SHKBP1: variants seen among roughly 807,000 people sequenced by gnomAD.
SHKBP1 encodes the protein SH3KBP1 binding protein 1.
A neutral mutation model predicts 83.9 loss-of-function variants in SHKBP1; 71 were observed. The observed-to-expected ratio is 0.85, with a 90% CI of 0.70 to 1.03. The LOEUF (loss-of-function observed/expected upper bound fraction) is 1.03. SHKBP1 is among the 50% of genes least tolerant of loss of function. SHKBP1 has a pLI of 0.00. For missense variants in SHKBP1, 824 were observed against 982.4 expected (o/e 0.84, Z 2.16); for synonymous variants, 371 against 398.0 (o/e 0.93, Z 0.81).
rs2081277195 is a variant in SHKBP1, at chr19:40,582,418, C to A, written c.912C>A (p.Ser304Arg). 6.2e-7 allele frequency: 1 copy of A among 1,614,054 alleles called. No homozygotes were observed. The highest frequency in any genetic ancestry group is 1.3e-5 in the African/African-American group (1 of 74,922). The change falls in exon 10 of 18, where the codon AGC (serine) becomes AGA (arginine). Residue 304 changes from serine to arginine, a missense_variant. Transcript: ENST00000291842. ...FFVGNQLIAT[S>R]HTGRIGVWNA... is the part of the protein sequence containing the mutation. ...TCGGGAACCAGCTCATTGCTACAAG[C>A]CACACAGGGCGCATCGGGGTGTGGA...
intron 4 of SHKBP1, 167 bp from the exon 5 acceptor site, chr19:40,577,987 A>ACACACG: frequency 1.5e-6 from 1 of 685,954 alleles, no homozygotes; most frequent in Non-Finnish European, 2.7e-6. Flanking sequence ...ACACACACAC[A>ACACACG]CACACTCAAC....
At chr19:40,578,324 G>T in intron 5 of SHKBP1, 112 bp downstream of exon 5, 1 of 1,456,542 alleles carries the variant, frequency 6.9e-7, no homozygotes, top group Non-Finnish European at 9.6e-7. Flanking sequence ...GAGGTGGGAG[G>T]ACTGGTTATG....
intron 9 of SHKBP1, among the ~76,000 whole-genome samples, 186 bp from the exon 10 acceptor site, chr19:40,582,165 G>A (rs562311125): frequency 4.6e-5 from 7 of 151,960 alleles, no homozygotes; most frequent in African/African-American, 9.7e-5. Flanking sequence ...CAAATGATCC[G>A]CCCACCTGAG....
In SHKBP1 at chr19:40,580,892, T is replaced by A. The variant is rs2081264441; in HGVS notation, c.800T>A (p.Ile267Asn). ...KMVAAATGSE[I>N]LLWALQAEGG... is the part of the protein sequence containing the mutation. Reference sequence around the variant, plus strand: ...GTGGCAGCAGCCACCGGCAGCGAGATCCTGCTATGGGCTCTGCAGGCGGAA... The same window carrying A: ...GTGGCAGCAGCCACCGGCAGCGAGAACCTGCTATGGGCTCTGCAGGCGGAA... Residue 267 changes from isoleucine to asparagine, a missense_variant, in exon 9 of 18, where the codon ATC becomes AAC. Ile to Asn is a moderately radical substitution (Grantham distance 149). Around this residue, in one of 3 missense-constraint regions of SHKBP1, gnomAD observed 355 missense variants for 386.4 expected, o/e 0.92. Transcript: ENST00000291842. The A allele has an allele frequency of 6.2e-7, 1 of 1,609,656 alleles. No individual in the cohort carries two copies. The highest frequency in any genetic ancestry group is 8.5e-7 in the Non-Finnish European group (1 of 1,177,816).
chr19:40,583,536 G>A (rs1271655671), intron 11 of SHKBP1, 51 bp downstream of exon 11: 3 of 1,611,370 alleles, frequency 1.9e-6, no homozygotes, highest in Non-Finnish European at 2.5e-6. Context: ...CTGGGAGAGG[G>A]GAAGGGAGGG....
chr19:40,587,744 T>A (rs28488028), intron 13 of SHKBP1, among the ~76,000 whole-genome samples: 2,931 of 152,076 alleles, frequency 0.019, 96 homozygotes, highest in African/African-American at 0.067. Flanking sequence ...CTACAAAAAA[T>A]TTTTAAAAAA....
rs1205467116 is a variant in SHKBP1, at chr19:40,590,530, C to T, written c.1768+108C>T. The T allele has an allele frequency of 1.5e-6, 2 of 1,373,546 alleles. No homozygotes were observed. The highest frequency in any genetic ancestry group is 1.4e-5 in the African/African-American group (1 of 69,030). The allele number at this position is 1,373,546 out of a possible 1,614,324, so 85.1% of individuals were successfully genotyped here. On this transcript the variant is annotated intron_variant, in intron 16 of 17. Transcript: ENST00000291842. The surrounding 1 kb of genome is among the most constrained non-coding windows in gnomAD (Gnocchi z 4.6). ...TCTCCCAGGCCCTTGCCCTCTGACC[C>T]CTTTTCCTTTGACCCCCTCTCTGCT...
In SHKBP1 at chr19:40,588,723, TC is replaced by T. The variant is rs1239691168; in HGVS notation, c.1438del (p.Leu480TrpfsTer99). ...TCCACCCCACTCGCTTCCTTTAAGA[TC>T]CTGGCTCTGGAGTCGGCAGATGGGC... ...PGSTPLASFK[I>X]LALESADGHG... is the part of the protein sequence containing the mutation. On this transcript the variant is annotated frameshift_variant, in exon 14 of 18. Transcript: ENST00000291842. LOFTEE classifies it high-confidence loss of function. The T allele has an allele frequency of 2.5e-6, 4 of 1,614,010 alleles. No homozygotes were observed. The highest frequency in any genetic ancestry group is 3.4e-6 in the Non-Finnish European group (4 of 1,180,032).
At chr19:40,581,226 C>T (rs999607717) in intron 9 of SHKBP1, among the ~76,000 whole-genome samples, 8 of 152,114 alleles carry the variant, frequency 5.3e-5, no homozygotes, top group African/African-American at 1.9e-4. Context: ...AAATGTCTGA[C>T]TTGGCCCGGT....
At position 40,590,601 on chromosome 19, in the gene SHKBP1, T is replaced by G. The variant is rs1167734576; in HGVS notation, c.1769-129T>G. 10 of 1,329,558 alleles carry G rather than the reference T, an allele frequency of 7.5e-6. No individual in the cohort carries two copies. The highest frequency in any genetic ancestry group is 1.0e-5 in the Non-Finnish European group (10 of 971,494). 82.4% of individuals were successfully genotyped at this position (1,329,558 alleles called of 1,614,324 possible). On this transcript the variant is annotated intron_variant, in intron 16 of 17. Coordinates refer to ENST00000291842, the MANE Select transcript of SHKBP1 (RefSeq NM_138392.4). This position sits in a 1 kb window ranked among gnomAD's most constrained non-coding sequence, Gnocchi z 4.6. ...GTTTTTCAACCCCTGTCTCAGCCTC[T>G]GGCCCCCATGCATTGATCTCTGCTT...
In SHKBP1 at chr19:40,590,073, C is replaced by T. The variant is rs900737266; in HGVS notation, c.1590-171C>T. The T allele has an allele frequency of 7.6e-5, 52 of 684,636 alleles. No homozygotes were observed. In the African/African-American group the frequency reaches 8.1e-4, roughly 11 times the overall value. The allele number at this position is 684,636 out of a possible 1,614,324, so 42.4% of individuals were successfully genotyped here. A position where few individuals can be genotyped will look rare whatever the true frequency, so the allele number is the denominator to read the frequency against. The stretch of plus-strand genomic sequence containing the variant: ...GAGACTCCCTGGGTGTTTGGGGCTG[C>T]GGTGTCCAAGAGCTGCTGGACCCTT... On this transcript the variant is annotated intron_variant, in intron 15 of 17. Coordinates refer to ENST00000291842, the MANE Select transcript of SHKBP1 (RefSeq NM_138392.4). This position sits in a 1 kb window ranked among gnomAD's most constrained non-coding sequence, Gnocchi z 4.6.
At position 40,590,190 on chromosome 19, in the gene SHKBP1, G is replaced by A. The variant is rs1298665036; in HGVS notation, c.1590-54G>A. The A allele has an allele frequency of 3.4e-6, 5 of 1,489,052 alleles. No homozygotes were observed. Among genetic ancestry groups the A allele is most frequent in the South Asian group, 2.6e-5 (2 of 77,788 alleles). The allele number at this position is 1,489,052 out of a possible 1,614,324, so 92.2% of individuals were successfully genotyped here. A position where few individuals can be genotyped will look rare whatever the true frequency, so the allele number is the denominator to read the frequency against. ...CTGCAGCCACAGTGGTGGGGACTGG[G>A]ACGAGGAAGGGTGAGAAAGCGAGGG... On this transcript the variant is annotated intron_variant, in intron 15 of 17. Coordinates refer to ENST00000291842, the MANE Select transcript of SHKBP1 (RefSeq NM_138392.4). This position sits in a 1 kb window ranked among gnomAD's most constrained non-coding sequence, Gnocchi z 4.6.
intron 9 of SHKBP1, 58 bp from the exon 10 acceptor site, chr19:40,582,293 C>G (rs2081276062): frequency 1.4e-6 from 2 of 1,385,900 alleles, no homozygotes; most frequent in Non-Finnish European, 2.1e-6. Flanking sequence ...AGTTCTTCCT[C>G]CCACCTCTCC....
At chr19:40,588,964 C>T (rs1039936649) in intron 14 of SHKBP1, 118 bp from the exon 15 acceptor site, 74 of 1,300,788 alleles carry the variant, frequency 5.7e-5, no homozygotes, top group Admixed American at 2.9e-4. Context: ...CCCTGCCCAA[C>T]TCTAACAACC....
chr19:40,588,944 C>A, intron 14 of SHKBP1, 138 bp from the exon 15 acceptor site: 2 of 1,242,114 alleles, frequency 1.6e-6, no homozygotes, highest in Non-Finnish European at 2.3e-6. Context: ...AACCCCCCAG[C>A]CCTCTCTGGC....
chr19:40,576,883 C>G lies in SHKBP1; in HGVS notation c.-17C>G. ...CACCCGGAAGTGGGTGCGGGCCAGC[C>G]GGCTCGCCCGGGGGCCATGGCAGCA... is the stretch of plus-strand genomic sequence containing the variant. On this transcript the variant is annotated 5_prime_UTR_variant, in exon 1 of 18. Transcript: ENST00000291842. 6 of 1,437,866 alleles carry G rather than the reference C, an allele frequency of 4.2e-6. No homozygotes were observed. The highest frequency in any genetic ancestry group is 5.5e-6 in the Non-Finnish European group (6 of 1,090,460). 89.1% of individuals were successfully genotyped at this position (1,437,866 alleles called of 1,614,324 possible). A position where few individuals can be genotyped will look rare whatever the true frequency, so the allele number is the denominator to read the frequency against.
Position 40,588,745 on chromosome 19 carries a change from T to C in SHKBP1, c.1458T>C (p.Asp486=), listed in dbSNP as rs1320877236. 6 of 1,613,964 alleles carry C rather than the reference T, an allele frequency of 3.7e-6. No individual in the cohort carries two copies. Among genetic ancestry groups the C allele is most frequent in the Non-Finnish European group, 5.1e-6 (6 of 1,180,012 alleles). Residue 486 remains aspartate, a synonymous_variant, in exon 14 of 18, where the codon GAT becomes GAC. Coordinates refer to ENST00000291842, the MANE Select transcript of SHKBP1 (RefSeq NM_138392.4). ...AGATCCTGGCTCTGGAGTCGGCAGA[T>C]GGGCATGGCGGCTGCAGTGCTGGCA... ...SFKILALESA[D]GHGGCSAGND...
chr19:40,582,229 G>A, intron 9 of SHKBP1, 122 bp from the exon 10 acceptor site: 1 of 797,328 alleles, frequency 1.3e-6, no homozygotes, highest in Non-Finnish European at 2.2e-6. Flanking sequence ...GCCCCTGATG[G>A]AATCTTCTAT....
At chr19:40,583,264 TG>T in intron 10 of SHKBP1, 133 bp from the exon 11 acceptor site, 2 of 656,862 alleles carry the variant, frequency 3.0e-6, no homozygotes, top group Non-Finnish European at 5.2e-6. Flanking sequence ...AAGGCAGGCC[TG>T]GGGTGGACGG....
Sources: allele counts gnomAD v4.1 joint callset (sites outside exome capture counted in the v4.1 genomes callset), GRCh38; gene constraint gnomAD v4.1.1; regional missense constraint gnomAD v4.1.1; non-coding constraint Gnocchi (gnomAD v3.1); transcripts MANE v1.5; gene names NCBI Gene and HGNC (gene_info 2026-07-23, HGNC 2026-07-21).